The following MICU1 variants were observed in gnomAD, a reference collection of about 807,000 sequenced individuals.
MICU1 encodes calcium uptake protein 1, mitochondrial.
In MICU1, 45 loss-of-function variants were observed where a neutral mutation model predicts 56.8. The ratio of observed to expected loss-of-function variants is 0.79; its 90% CI spans 0.62 to 1.02. The LOEUF (loss-of-function observed/expected upper bound fraction) is 1.02. Ranked by LOEUF, MICU1 falls within the 50% of genes least tolerant of loss-of-function variation. The probability of loss-of-function intolerance (pLI) is 0.00; values close to 1 mark genes in which losing one functional copy is unlikely to be tolerated. For synonymous variants in MICU1, 186 were observed against 195.1 expected (o/e 0.95, Z 0.39); for missense variants, 504 against 587.1 (o/e 0.86, Z 1.46).
chr10:72,565,640 A>T (rs1322879521), intron 2 of MICU1, among the ~76,000 whole-genome samples: 1 of 26,716 alleles, frequency 3.7e-5, no homozygotes, highest in Non-Finnish European at 1.5e-4. Context: ...AAAGTATAAT[A>T]AAAAAAAAAA....
chr10:72,550,962 TCTC>T (rs1427027874), intron 4 of MICU1, among the ~76,000 whole-genome samples: 3 of 152,102 alleles, frequency 2.0e-5, no homozygotes. Context: ...AGGGGGACAA[TCTC>T]CTCAACCTCT....
chr10:72,495,724 C>T (rs969567856), intron 6 of MICU1, among the ~76,000 whole-genome samples: 12 of 149,892 alleles, frequency 8.0e-5, no homozygotes, highest in Admixed American at 6.0e-4. Context: ...TGTGACTTAA[C>T]CTATGCTAAT....
chr10:72,606,723 T>C (rs1214466735), intron 1 of MICU1, among the ~76,000 whole-genome samples: 2 of 152,066 alleles, frequency 1.3e-5, no homozygotes, highest in African/African-American at 4.8e-5. Flanking sequence ...TGGGGGCTTC[T>C]AAATAGTCCC....
At chr10:72,532,693 G>C (rs1254077653) in intron 5 of MICU1, 2 of 237,496 alleles carry the variant, frequency 8.4e-6, no homozygotes, top group Non-Finnish European at 1.4e-5. Context: ...CTTCCTTTTT[G>C]ATCATTCTTT....
intron 8 of MICU1, among the ~76,000 whole-genome samples, chr10:72,433,031 A>C (rs1007468548): frequency 2.0e-5 from 3 of 151,996 alleles, no homozygotes; most frequent in African/African-American, 4.8e-5. Context: ...TCCGCCTCCC[A>C]GGTTCAAGTG....
chr10:72,377,314 T>G (rs980382928), intron 10 of MICU1, among the ~76,000 whole-genome samples: 2 of 152,110 alleles, frequency 1.3e-5, no homozygotes, highest in African/African-American at 4.8e-5. Flanking sequence ...GAGATGGGGT[T>G]TCACCATGTT....
chr10:72,567,120 G>A (rs1363432303), intron 1 of MICU1, among the ~76,000 whole-genome samples: 1 of 152,090 alleles, frequency 6.6e-6, no homozygotes, highest in African/African-American at 2.4e-5. Context: ...AGGCCAAAGA[G>A]AGAGGATCAT....
chr10:72,555,164 G>A (rs1043228673), intron 3 of MICU1, among the ~76,000 whole-genome samples: 1 of 152,134 alleles, frequency 6.6e-6, no homozygotes, highest in East Asian at 1.9e-4. Context: ...CCCAGCAAGG[G>A]GAAGATGAAG....
intron 3 of MICU1, among the ~76,000 whole-genome samples, chr10:72,554,247 A>G (rs1840104965): frequency 6.6e-6 from 1 of 152,220 alleles, no homozygotes; most frequent in Non-Finnish European, 1.5e-5. Flanking sequence ...TAAAATTAGA[A>G]TATCATTTTG....
intron 10 of MICU1, among the ~76,000 whole-genome samples, chr10:72,386,678 G>A (rs907897331): frequency 1.4e-4 from 21 of 149,764 alleles, no homozygotes; most frequent in African/African-American, 3.2e-4. Context: ...TCCTGCCTCC[G>A]CCTCCTAAGT....
intron 8 of MICU1, among the ~76,000 whole-genome samples, chr10:72,469,224 A>T (rs915503235): frequency 2.6e-5 from 4 of 152,236 alleles, no homozygotes; most frequent in Non-Finnish European, 5.9e-5. Context: ...TGACAGATAA[A>T]TAGCACTCTC....
intron 6 of MICU1, among the ~76,000 whole-genome samples, chr10:72,504,148 T>G (rs1162568093): frequency 5.3e-5 from 8 of 152,062 alleles, no homozygotes; most frequent in Non-Finnish European, 1.2e-4. Context: ...AAAGTTCATA[T>G]GGAATCAAAA....
At chr10:72,473,548 G>A (rs924588296) in intron 8 of MICU1, among the ~76,000 whole-genome samples, 11 of 152,020 alleles carry the variant, frequency 7.2e-5, no homozygotes, top group Admixed American at 1.3e-4. Flanking sequence ...ACAAGATGCC[G>A]CTCCATCTCA....
At chr10:72,603,951 G>C (rs1841616252) in intron 1 of MICU1, among the ~76,000 whole-genome samples, 1 of 152,196 alleles carries the variant, frequency 6.6e-6, no homozygotes, top group Non-Finnish European at 1.5e-5. Flanking sequence ...GGTTGAAAGA[G>C]TTAAGTTCTG....
In MICU1 at chr10:72,575,480, A is replaced by G. The variant is rs1840717227; in HGVS notation, c.-1-8686T>C. On this transcript the variant is annotated intron_variant, in intron 1 of 11. Transcript: ENST00000361114. ...TGTGCCTCACTTTATGATACACTTC[A>G]TGGAGATTGCATTTTTCACAAATTG... Among the ~76,000 whole-genome samples the G allele has an allele frequency of 2.0e-5, 3 of 152,202 alleles. 1 individual carries two copies. The South Asian group carries it at 6.2e-4, about 32-fold the overall frequency.
chr10:72,551,775 A>AT (rs1258146737), intron 3 of MICU1, among the ~76,000 whole-genome samples: 1 of 152,046 alleles, frequency 6.6e-6, no homozygotes. Flanking sequence ...TCCCAGAAGA[A>AT]TTTTTTTAAC....
chr10:72,437,366 G>A (rs1196275457), intron 8 of MICU1, among the ~76,000 whole-genome samples: 2 of 152,112 alleles, frequency 1.3e-5, no homozygotes, highest in African/African-American at 4.8e-5. Context: ...GTCACCACCA[G>A]GCCTGACTTA....
In MICU1 at chr10:72,606,130, C is replaced by CA. The variant is rs11317547; in HGVS notation, c.-2+19879dup. Reference sequence around the variant, plus strand: ...TAGACGACAGAGTGAGACTCCATCTCAAAAAAAAAAAAAAAGAAATTTCAC... The same window carrying CA: ...TAGACGACAGAGTGAGACTCCATCTCAAAAAAAAAAAAAAAAGAAATTTCAC... On this transcript the variant is annotated intron_variant, in intron 1 of 11. Transcript: ENST00000361114. 5.3e-4 allele frequency among the ~76,000 whole-genome samples: 66 copies of CA among 124,118 alleles called. 1 individual carries two copies. The highest frequency in any genetic ancestry group is 2.8e-3 in the East Asian group (8 of 2,880). The allele number at this position is 124,118 out of a possible 152,430, so 81.4% of individuals were successfully genotyped here. A position where few individuals can be genotyped will look rare whatever the true frequency, so the allele number is the denominator to read the frequency against.
chr10:72,569,526 C>T (rs1840554739), intron 1 of MICU1, among the ~76,000 whole-genome samples: 1 of 151,820 alleles, frequency 6.6e-6, no homozygotes, highest in East Asian at 1.9e-4. Flanking sequence ...TGAGCCACCA[C>T]ACCCGGCCTA....
Sources: allele counts gnomAD v4.1 joint callset (sites outside exome capture counted in the v4.1 genomes callset), GRCh38; gene constraint gnomAD v4.1.1; transcripts MANE v1.5; gene names NCBI Gene and HGNC (gene_info 2026-07-23, HGNC 2026-07-21).